PALM2AKAP2: variants seen among roughly 807,000 people sequenced by gnomAD.
PALM2AKAP2 encodes the protein PALM2 and AKAP2 fusion.
A neutral mutation model predicts 71.5 loss-of-function variants in PALM2AKAP2; 37 were observed. That is an observed-to-expected ratio of 0.52 (90% CI 0.40 to 0.68). The LOEUF (loss-of-function observed/expected upper bound fraction) is 0.68, where lower values mean the gene tolerates loss of function less well. Among genes scored for constraint, PALM2AKAP2 ranks in the 30% least tolerant of loss-of-function variants. The probability of loss-of-function intolerance (pLI) is 0.00; values close to 1 mark genes in which losing one functional copy is unlikely to be tolerated. For synonymous variants in PALM2AKAP2, 468 were observed against 478.8 expected, an observed-to-expected ratio of 0.98 and a Z score of 0.29; for missense variants, 1,224 against 1,191.8, an observed-to-expected ratio of 1.03 and a Z score of -0.40.
intron 1 of PALM2AKAP2, among the ~76,000 whole-genome samples, chr9:109,736,035 T>C (rs1828629985): frequency 6.6e-6 from 1 of 152,210 alleles, no homozygotes; most frequent in African/African-American, 2.4e-5. Flanking sequence ...GAAAGTTGCC[T>C]GCTTATGGGC....
intron 2 of PALM2AKAP2, among the ~76,000 whole-genome samples, chr9:110,143,436 G>A (rs1398233445): frequency 1.4e-5 from 2 of 147,578 alleles, no homozygotes; most frequent in African/African-American, 5.1e-5. Flanking sequence ...AAAAAAAGGA[G>A]AGAGAGAGAA....
At chr9:109,692,772 C>A (rs79985148) in intron 1 of PALM2AKAP2, among the ~76,000 whole-genome samples, 2,271 of 151,914 alleles carry the variant, frequency 0.015, 20 homozygotes, top group Middle Eastern at 0.068. Flanking sequence ...TGAACCTTGC[C>A]TTTGGGGATG....
chr9:110,048,339 T>G (rs147105851), upstream of PALM2AKAP2, among the ~76,000 whole-genome samples: 1 of 152,096 alleles, frequency 6.6e-6, no homozygotes, highest in Non-Finnish European at 1.5e-5. Context: ...CACGTCCACA[T>G]GCACACACAG....
At chr9:109,946,084 C>T (rs1347036219) in intron 6 of PALM2AKAP2, 2 of 152,086 alleles carry the variant, frequency 1.3e-5, no homozygotes, top group Admixed American at 1.3e-4. Context: ...TGCATATGTC[C>T]CATCATTTTC....
At chr9:109,926,746 C>A (rs61021843) in intron 5 of PALM2AKAP2, among the ~76,000 whole-genome samples, 37,038 of 151,838 alleles carry the variant, frequency 0.24, 4,987 homozygotes, top group East Asian at 0.55. Context: ...CTCTCTGATA[C>A]TTAGGGAAGG....
chr9:110,043,123 C>T (rs1451662059), intron 7 of PALM2AKAP2, among the ~76,000 whole-genome samples: 2 of 152,136 alleles, frequency 1.3e-5, no homozygotes, highest in African/African-American at 4.8e-5. Flanking sequence ...TGAATTCTTA[C>T]TTGTTACATC....
In PALM2AKAP2 at chr9:109,931,897, C is replaced by G. The variant is rs747131016; in HGVS notation, c.395-30C>G. 6.8e-6 allele frequency: 11 copies of G among 1,610,552 alleles called. No individual in the cohort carries two copies. In the South Asian group the frequency reaches 1.1e-4, roughly 16 times the overall value. On this transcript the variant is annotated intron_variant, in intron 5 of 9. Coordinates refer to the PALM2AKAP2 transcript ENST00000302798. ...CCCATTGGGCCTCCCAACACTGTGA[C>G]TAATTGTATTCCCTGTTCTCTGCTA...
chr9:110,035,541 TTG>T (rs1439275095), intron 7 of PALM2AKAP2, among the ~76,000 whole-genome samples: 61 of 143,676 alleles, frequency 4.2e-4, no homozygotes, highest in Non-Finnish European at 5.3e-4. Flanking sequence ...ATAGGATATG[TTG>T]TGTGTTATAT....
intron 6 of PALM2AKAP2, among the ~76,000 whole-genome samples, chr9:109,948,735 C>T (rs936735691): frequency 6.6e-6 from 1 of 152,148 alleles, no homozygotes; most frequent in African/African-American, 2.4e-5. Flanking sequence ...CCCTAGACTT[C>T]AGACAGTCCT....
intron 1 of PALM2AKAP2, among the ~76,000 whole-genome samples, chr9:110,094,986 G>A (rs946351842): frequency 3.9e-5 from 6 of 152,202 alleles, no homozygotes; most frequent in African/African-American, 1.4e-4. Context: ...GGCTGCCTCT[G>A]GCAAAAACTT....
chr9:110,033,131 GTGTT>G (rs1157684573), intron 7 of PALM2AKAP2, among the ~76,000 whole-genome samples: 2 of 152,136 alleles, frequency 1.3e-5, no homozygotes, highest in African/African-American at 4.8e-5. Context: ...TATTTTTAGT[GTGTT>G]TGAGTTGGTT....
intron 3 of PALM2AKAP2, among the ~76,000 whole-genome samples, chr9:109,921,940 TATC>T (rs1195730653): frequency 2.0e-5 from 3 of 152,154 alleles, no homozygotes; most frequent in Non-Finnish European, 4.4e-5. Context: ...CTGCAAAGAT[TATC>T]CCTCCAGAGG....
chr9:110,144,813 G>A (rs560570574), intron 2 of PALM2AKAP2, among the ~76,000 whole-genome samples: 131 of 152,260 alleles, frequency 8.6e-4, no homozygotes, highest in African/African-American at 3.1e-3. Context: ...TTGGATTTGG[G>A]AATTATATAT....
chr9:110,022,566 TTTTATTTTA>T (rs1833092623), intron 7 of PALM2AKAP2, among the ~76,000 whole-genome samples: 1 of 149,014 alleles, frequency 6.7e-6, no homozygotes, highest in Non-Finnish European at 1.5e-5. Context: ...TTTTCTTTAT[TTTTATTTTA>T]TTTTATTTTA....
At chr9:109,824,593 A>C (rs1301598504) in intron 1 of PALM2AKAP2, among the ~76,000 whole-genome samples, 1 of 152,188 alleles carries the variant, frequency 6.6e-6, no homozygotes, top group Non-Finnish European at 1.5e-5. Flanking sequence ...TTGGGGCTGT[A>C]ATATTCCCTA....
chr9:109,646,489 G>A (rs1827156529), intron 1 of PALM2AKAP2, among the ~76,000 whole-genome samples: 1 of 152,204 alleles, frequency 6.6e-6, no homozygotes, highest in African/African-American at 2.4e-5. Flanking sequence ...TCAGATGCCT[G>A]TTATCACATG....
chr9:109,714,396 C>A (rs1364868829), intron 1 of PALM2AKAP2, among the ~76,000 whole-genome samples: 1 of 152,214 alleles, frequency 6.6e-6, no homozygotes, highest in East Asian at 1.9e-4. Context: ...CTGGGCTACT[C>A]TGATTGCCTC....
At chr9:109,682,621 G>A (rs1827753433) in intron 1 of PALM2AKAP2, among the ~76,000 whole-genome samples, 1 of 152,198 alleles carries the variant, frequency 6.6e-6, no homozygotes, top group African/African-American at 2.4e-5. Flanking sequence ...GTTCCACACT[G>A]AGTAGTTTTT....
At chr9:110,088,807 C>T (rs145534659) in intron 1 of PALM2AKAP2, among the ~76,000 whole-genome samples, 6,003 of 149,988 alleles carry the variant, frequency 0.04, 165 homozygotes, top group Middle Eastern at 0.072. Context: ...GCAACCTCCG[C>T]CTCCCGGGTT....
Sources: gnomAD v4.1 joint callset for allele counts (sites outside exome capture counted in the v4.1 genomes callset) on GRCh38, gnomAD v4.1.1 for gene constraint, MANE v1.5 for transcripts, NCBI Gene and HGNC (gene_info 2026-07-23, HGNC 2026-07-21) for gene names.